Variants in EIF4G3 observed in about 807,000 individuals in gnomAD.
The protein encoded by EIF4G3 is eukaryotic translation initiation factor 4 gamma 3, also known as eIF-4-gamma 3.
A neutral mutation model predicts 186.4 loss-of-function variants in EIF4G3; 34 were observed. That is an observed-to-expected ratio of 0.18 (90% CI 0.14 to 0.24). The LOEUF is 0.24. Ranked by LOEUF, EIF4G3 falls within the 10% of genes least tolerant of loss-of-function variation. The probability of loss-of-function intolerance (pLI) is 1.00; values close to 1 mark genes in which losing one functional copy is unlikely to be tolerated. For synonymous variants in EIF4G3, 673 were observed against 679.5 expected, an observed-to-expected ratio of 0.99 and a Z score of 0.15; for missense variants, 1,536 against 1,948.5, an observed-to-expected ratio of 0.79 and a Z score of 3.99.
chr1:21,087,327 A>G (rs2096019339), intron 3 of EIF4G3, among the ~76,000 whole-genome samples: 1 of 152,094 alleles, frequency 6.6e-6, no homozygotes, highest in African/African-American at 2.4e-5. Context: ...TAACTTTTAA[A>G]TTTTCTTTCA....
intron 2 of EIF4G3, among the ~76,000 whole-genome samples, chr1:21,127,051 T>C (rs2097059834): frequency 6.6e-6 from 1 of 152,174 alleles, no homozygotes; most frequent in Non-Finnish European, 1.5e-5. Context: ...GGCAAAATGA[T>C]GGCTCGCCAC....
At position 21,176,255 on chromosome 1, in the gene EIF4G3, CGCCGCCGCCGCTGCT is replaced by C; in HGVS notation, c.-367_-353del. ...CTGCCGCCGCCGCCGCCGCCGCCGC[CGCCGCCGCCGCTGCT>C]GCCGCCGCCGGGTGAGGAGGCGGTA... On this transcript the variant is annotated 5_prime_UTR_variant, in exon 2 of 37. Coordinates refer to ENST00000602326, the MANE Select transcript of EIF4G3 (RefSeq NM_001391906.1). The C allele has an allele frequency of 1.6e-5, 6 of 379,698 alleles. No homozygotes were observed. Among genetic ancestry groups the C allele is most frequent in the East Asian group, 4.4e-5 (1 of 22,768 alleles). 23.5% of individuals were successfully genotyped at this position (379,698 alleles called of 1,614,324 possible).
intron 32 of EIF4G3, 99 bp from the exon 33 acceptor site, chr1:20,825,297 A>G (rs1156944485): frequency 1.1e-6 from 1 of 918,364 alleles, no homozygotes; most frequent in East Asian, 2.7e-5. Flanking sequence ...AACAGTGCAA[A>G]CCCCAAAAAG....
chr1:20,834,764 C>T (rs1470346244), intron 30 of EIF4G3, among the ~76,000 whole-genome samples: 1 of 152,116 alleles, frequency 6.6e-6, no homozygotes. Flanking sequence ...AAGGGAAAGA[C>T]AGACTACAAT....
At chr1:21,083,561 T>C (rs2095863017) in intron 3 of EIF4G3, among the ~76,000 whole-genome samples, 3 of 151,822 alleles carry the variant, frequency 2.0e-5, no homozygotes, top group South Asian at 4.2e-4. Flanking sequence ...TGAGCTCAAG[T>C]GATCCACCCA....
intron 20 of EIF4G3, among the ~76,000 whole-genome samples, chr1:20,873,648 G>C (rs1176875795): frequency 6.8e-6 from 1 of 146,530 alleles, no homozygotes; most frequent in Non-Finnish European, 1.5e-5. Context: ...GAATTTTACA[G>C]AACTATGGTT....
At chr1:20,947,353 GA>G (rs908577743) in intron 13 of EIF4G3, among the ~76,000 whole-genome samples, 4 of 124,304 alleles carry the variant, frequency 3.2e-5, no homozygotes, top group African/African-American at 1.2e-4. Flanking sequence ...CAAAATAGAA[GA>G]AAAAAGAAAA....
chr1:21,044,164 G>GTGACAAATCCTCCATTTGGTTTTTT (rs2093740791), intron 4 of EIF4G3, among the ~76,000 whole-genome samples: 1 of 152,240 alleles, frequency 6.6e-6, no homozygotes, highest in South Asian at 2.1e-4. Context: ...GGTCCCCTTG[G>GTGACAAATCCTCCATTTGGTTTTTT]TGACAAATCC....
rs963501434 is a variant in EIF4G3, at chr1:20,810,832, C to T, written c.4650G>A (p.Pro1550=). The T allele has an allele frequency of 5.6e-6, 9 of 1,613,912 alleles. No homozygotes were observed. Among genetic ancestry groups the T allele is most frequent in the Admixed American group, 1.7e-5 (1 of 60,000 alleles). Residue 1550 remains proline (P), a synonymous_variant, in exon 36 of 37, where the codon CCG becomes CCA. Coordinates refer to ENST00000602326, the MANE Select transcript of EIF4G3 (RefSeq NM_001391906.1). The surrounding 1 kb of genome is among the most constrained non-coding windows in gnomAD (Gnocchi z 4.1). The part of the protein sequence containing the change: ...VDTAVIKQRV[P]ILLKYLDSDT... Reference sequence around the variant, plus strand: ...CTGAGTCTAGGTACTTGAGTAAGATCGGCACTCTCTGCTTGATAACAGCAG... The same window carrying T: ...CTGAGTCTAGGTACTTGAGTAAGATTGGCACTCTCTGCTTGATAACAGCAG...
chr1:20,990,475 C>T (rs930307258), intron 7 of EIF4G3, among the ~76,000 whole-genome samples: 1 of 152,142 alleles, frequency 6.6e-6, no homozygotes, highest in African/African-American at 2.4e-5. Flanking sequence ...GAGTTCAAGA[C>T]CAGCCTGGCC....
intron 33 of EIF4G3, among the ~76,000 whole-genome samples, chr1:20,824,833 G>T (rs1178758692): frequency 1.3e-5 from 2 of 152,104 alleles, no homozygotes; most frequent in African/African-American, 4.8e-5. Flanking sequence ...CTGTCACCCT[G>T]CTTTATTTGT....
chr1:21,155,634 T>C (rs908997941), intron 2 of EIF4G3, among the ~76,000 whole-genome samples: 8 of 152,054 alleles, frequency 5.3e-5, no homozygotes, highest in African/African-American at 1.9e-4. Flanking sequence ...AGTTGGGAGT[T>C]TGCAGTGAGC....
chr1:20,873,959 T>C (rs2080002441), intron 20 of EIF4G3, among the ~76,000 whole-genome samples: 1 of 152,062 alleles, frequency 6.6e-6, no homozygotes, highest in Non-Finnish European at 1.5e-5. Flanking sequence ...TCTGTTCCAG[T>C]GTTATTTTGC....
intron 7 of EIF4G3, among the ~76,000 whole-genome samples, chr1:20,984,559 T>TACAC (rs61253859): frequency 7.0e-6 from 1 of 142,334 alleles, no homozygotes; most frequent in Admixed American, 7.1e-5. Context: ...TATATATATA[T>TACAC]ACACACACAC....
At chr1:21,093,312 A>T (rs2096261415) in intron 2 of EIF4G3, among the ~76,000 whole-genome samples, 1 of 152,248 alleles carries the variant, frequency 6.6e-6, no homozygotes, top group Non-Finnish European at 1.5e-5. Flanking sequence ...ACACTTCTCA[A>T]AAGAAGACAT....
In EIF4G3 at chr1:21,131,206, C is replaced by T. The variant is rs141533644; in HGVS notation, c.-271-41993G>A. Among the ~76,000 whole-genome samples the T allele has an allele frequency of 2.0e-4, 30 of 146,350 alleles. No homozygotes were observed. The East Asian group carries it at 4.9e-3, about 24-fold the overall frequency. On this transcript the variant is annotated intron_variant, in intron 2 of 36. Transcript: ENST00000602326. Reference sequence around the variant, plus strand: ...AGTGAGTCAAGATCATGCCACTACACTCCAGCCTGGGCAACAGAGTGAGAT... The same window carrying T: ...AGTGAGTCAAGATCATGCCACTACATTCCAGCCTGGGCAACAGAGTGAGAT...
At chr1:21,127,035 T>G (rs1200924360) in intron 2 of EIF4G3, among the ~76,000 whole-genome samples, 1 of 152,126 alleles carries the variant, frequency 6.6e-6, no homozygotes, top group Non-Finnish European at 1.5e-5. Flanking sequence ...CAGGCCAGAG[T>G]GCAGTGGCAA....
chr1:20,820,377 A>G (rs2062037739), intron 33 of EIF4G3, among the ~76,000 whole-genome samples: 2 of 152,208 alleles, frequency 1.3e-5, no homozygotes, highest in Non-Finnish European at 2.9e-5. Context: ...CTCTGCAGTC[A>G]GCACCCTCGG....
intron 14 of EIF4G3, among the ~76,000 whole-genome samples, chr1:20,913,581 T>C (rs1339171459): frequency 6.6e-6 from 1 of 152,194 alleles, no homozygotes; most frequent in African/African-American, 2.4e-5. Flanking sequence ...GTTTTACTTC[T>C]AGCTTTCATG....
Sources: gnomAD v4.1 joint callset for allele counts (sites outside exome capture counted in the v4.1 genomes callset) on GRCh38, gnomAD v4.1.1 for gene constraint, Gnocchi (gnomAD v3.1) non-coding constraint, MANE v1.5 for transcripts, NCBI Gene and HGNC (gene_info 2026-07-23, HGNC 2026-07-21) for gene names.